SEMA6D: variants seen among roughly 807,000 people sequenced by gnomAD.
The protein encoded by SEMA6D is semaphorin-6D.
SEMA6D carries 35 observed loss-of-function variants against 106.6 expected under a neutral mutation model. That is an observed-to-expected ratio of 0.33 (90% CI 0.25 to 0.44). The LOEUF is 0.44. Among genes scored for constraint, SEMA6D ranks in the 20% least tolerant of loss-of-function variants. The probability of loss-of-function intolerance (pLI) is 1.00; values close to 1 mark genes in which losing one functional copy is unlikely to be tolerated. For synonymous variants in SEMA6D, 499 were observed against 487.7 expected, an observed-to-expected ratio of 1.02 and a Z score of -0.31; for missense variants, 1,185 against 1,345.9, an observed-to-expected ratio of 0.88 and a Z score of 1.87.
At chr15:47,449,969 A>G (rs1043119689) in intron 2 of SEMA6D, among the ~76,000 whole-genome samples, 2 of 152,246 alleles carry the variant, frequency 1.3e-5, no homozygotes, top group South Asian at 2.1e-4. Flanking sequence ...TCTCAGAGAC[A>G]CATCTCGACT....
intron 18 of SEMA6D, among the ~76,000 whole-genome samples, chr15:47,770,127 A>G (rs1349446058): frequency 6.6e-6 from 1 of 152,196 alleles, no homozygotes; most frequent in Non-Finnish European, 1.5e-5. Context: ...TTAAGAGAAA[A>G]TTATGAGACA....
intron 1 of SEMA6D, among the ~76,000 whole-genome samples, chr15:47,384,388 T>C (rs1233507795): frequency 6.6e-6 from 1 of 152,230 alleles, no homozygotes; most frequent in Admixed American, 6.5e-5. Context: ...CTGAAACATC[T>C]TTATCTGCTT....
intron 1 of SEMA6D, among the ~76,000 whole-genome samples, chr15:47,242,172 A>C (rs77548652): frequency 0.012 from 1,777 of 152,258 alleles, 32 homozygotes; most frequent in Admixed American, 0.012. Flanking sequence ...CAGGGGCTAT[A>C]TCAGATTAGG....
At chr15:47,754,954 T>G (rs751213110) in intron 1 of SEMA6D, among the ~76,000 whole-genome samples, 10 of 48,032 alleles carry the variant, frequency 2.1e-4, no homozygotes, top group Non-Finnish European at 3.3e-4. Context: ...TTGTTGTTGA[T>G]TTTTTTTTTT....
chr15:47,403,399 T>C (rs183331027), intron 1 of SEMA6D, among the ~76,000 whole-genome samples: 121 of 152,318 alleles, frequency 7.9e-4, no homozygotes, highest in Non-Finnish European at 1.4e-3. Flanking sequence ...AATGATTTAA[T>C]GGAATATGAA....
chr15:47,473,317 G>A (rs1215578946), intron 3 of SEMA6D, among the ~76,000 whole-genome samples: 1 of 152,202 alleles, frequency 6.6e-6, no homozygotes, highest in African/African-American at 2.4e-5. Context: ...TGTGGAGCCA[G>A]TGGACCCTTG....
intron 1 of SEMA6D, among the ~76,000 whole-genome samples, chr15:47,362,992 CT>C (rs1363053755): frequency 1.3e-5 from 2 of 152,016 alleles, no homozygotes; most frequent in Non-Finnish European, 1.5e-5. Flanking sequence ...CACTGCTGCC[CT>C]TTATAGCTGG....
At chr15:47,289,371 G>A (rs1403436698) in intron 1 of SEMA6D, among the ~76,000 whole-genome samples, 1 of 135,866 alleles carries the variant, frequency 7.4e-6, no homozygotes, top group Non-Finnish European at 1.5e-5. Flanking sequence ...TCCAGCCTGG[G>A]TGACAGAGCA....
rs571139356 is a variant in SEMA6D at position 47,521,540 on chromosome 15, A to G, written c.-87+50995A>G. On this transcript the variant is annotated intron_variant, in intron 3 of 19. Transcript: ENST00000558014. ...TTCCTTGAGTAAATGGATGACTCCT[A>G]CCATGGTCACTGCATCATGCCGTTT... is the stretch of plus-strand genomic sequence containing the variant. 2.6e-5 allele frequency among the ~76,000 whole-genome samples: 4 copies of G among 152,266 alleles called. No homozygotes were observed. The East Asian group carries it at 7.7e-4, about 29-fold the overall frequency.
intron 4 of SEMA6D, among the ~76,000 whole-genome samples, chr15:47,623,697 T>C (rs1172060350): frequency 2.6e-5 from 4 of 152,138 alleles, no homozygotes; most frequent in East Asian, 1.9e-4. Flanking sequence ...TCTTCTTTCA[T>C]GTACTCAATA....
At chr15:47,716,375 T>C (rs116950291), upstream of SEMA6D, among the ~76,000 whole-genome samples, 912 of 152,280 alleles carry the variant, frequency 6.0e-3, 7 homozygotes, top group Admixed American at 0.021. Context: ...CCAGGGTATT[T>C]TTCCTAAATG....
chr15:47,471,667 G>A (rs1261860118), intron 3 of SEMA6D, among the ~76,000 whole-genome samples: 22 of 152,154 alleles, frequency 1.4e-4, no homozygotes, highest in South Asian at 2.1e-4. Context: ...TGGCAGATAA[G>A]CCCATATTCC....
At chr15:47,503,387 G>A (rs1027953314) in intron 3 of SEMA6D, among the ~76,000 whole-genome samples, 4 of 152,106 alleles carry the variant, frequency 2.6e-5, no homozygotes, top group African/African-American at 7.2e-5. Context: ...CTTGATCATA[G>A]AAATTGTGAG....
At chr15:47,348,656 C>G (rs1420737565) in intron 1 of SEMA6D, among the ~76,000 whole-genome samples, 2 of 144,508 alleles carry the variant, frequency 1.4e-5, no homozygotes, top group African/African-American at 5.2e-5. Context: ...ACCAGGCCAC[C>G]TTGACTCAAG....
At chr15:47,200,614 T>G (rs185927878) in intron 1 of SEMA6D, among the ~76,000 whole-genome samples, 42 of 152,266 alleles carry the variant, frequency 2.8e-4, no homozygotes, top group Non-Finnish European at 5.3e-4. Flanking sequence ...CTAACCAGCT[T>G]TAAATTTATG....
At chr15:47,325,556 G>A (rs2037099289) in intron 1 of SEMA6D, among the ~76,000 whole-genome samples, 1 of 152,170 alleles carries the variant, frequency 6.6e-6, no homozygotes, top group Non-Finnish European at 1.5e-5. Flanking sequence ...GCCCTTTAAA[G>A]TGTATTACCT....
chr15:47,366,121 C>T (rs181731680), intron 1 of SEMA6D, among the ~76,000 whole-genome samples: 155 of 152,244 alleles, frequency 1.0e-3, no homozygotes, highest in Non-Finnish European at 1.4e-3. Context: ...GATAAAGATT[C>T]GGACTCAAAT....
At chr15:47,726,557 G>A (rs1178761081) in intron 1 of SEMA6D, among the ~76,000 whole-genome samples, 3 of 152,212 alleles carry the variant, frequency 2.0e-5, no homozygotes, top group South Asian at 2.1e-4. Context: ...AGTCAACTTC[G>A]TGGGGGCTGT....
At chr15:47,476,637 G>A (rs1305826362) in intron 3 of SEMA6D, among the ~76,000 whole-genome samples, 1 of 152,052 alleles carries the variant, frequency 6.6e-6, no homozygotes, top group Non-Finnish European at 1.5e-5. Context: ...CAAACACTGG[G>A]AATGGGGGTG....
Sources: gnomAD v4.1 joint callset for allele counts (sites outside exome capture counted in the v4.1 genomes callset) on GRCh38, gnomAD v4.1.1 for gene constraint, MANE v1.5 for transcripts, NCBI Gene and HGNC (gene_info 2026-07-23, HGNC 2026-07-21) for gene names.